Variants in DLG2 observed in about 807,000 individuals in gnomAD.
The protein encoded by DLG2 is disks large homolog 2.
Under a neutral mutation model 132.5 loss-of-function variants are expected in DLG2, and 45 were observed. The ratio of observed to expected loss-of-function variants is 0.34; its 90% CI spans 0.27 to 0.44. The LOEUF is 0.44. Ranked by LOEUF, DLG2 falls within the 20% of genes least tolerant of loss-of-function variation. The pLI is 1.00. For synonymous variants in DLG2, 424 were observed against 419.6 expected, an observed-to-expected ratio of 1.01 and a Z score of -0.13; for missense variants, 1,045 against 1,196.9, an observed-to-expected ratio of 0.87 and a Z score of 1.87.
In DLG2 at chr11:84,949,302, T is replaced by G. The variant is rs1469826188; in HGVS notation, c.357+162359A>C. 2.0e-5 allele frequency among the ~76,000 whole-genome samples: 3 copies of G among 152,056 alleles called. No individual in the cohort carries two copies. In the South Asian group the frequency reaches 6.2e-4, roughly 32 times the overall value. On this transcript the variant is annotated intron_variant, in intron 6 of 27. Coordinates refer to ENST00000376104, the MANE Select transcript of DLG2 (RefSeq NM_001142699.3). ...GGGTAATAGAATATCACAAGGCAAG[T>G]GGAGGCAGGGCGAGATCACAGGACC...
intron 6 of DLG2, among the ~76,000 whole-genome samples, chr11:84,848,834 A>G (rs895217267): frequency 6.6e-6 from 1 of 152,174 alleles, no homozygotes; most frequent in Admixed American, 6.5e-5. Context: ...AGTCTTAATG[A>G]TGGTACTTAA....
intron 6 of DLG2, among the ~76,000 whole-genome samples, chr11:84,694,857 G>C (rs1255535915): frequency 6.6e-6 from 1 of 151,554 alleles, no homozygotes; most frequent in African/African-American, 2.4e-5. Flanking sequence ...CAGGAGAGCA[G>C]ATGGATTTAG....
intron 3 of DLG2, among the ~76,000 whole-genome samples, chr11:85,566,053 G>A (rs537259610): frequency 2.4e-4 from 36 of 152,168 alleles, no homozygotes; most frequent in Admixed American, 3.9e-4. Flanking sequence ...CCAAGTGGGT[G>A]TGAAGTGATA....
intron 15 of DLG2, among the ~76,000 whole-genome samples, chr11:83,922,470 C>T (rs1267961818): frequency 2.0e-5 from 3 of 152,104 alleles, no homozygotes; most frequent in Non-Finnish European, 2.9e-5. Context: ...GAGTCATTCT[C>T]AGAGGGCTCA....
At chr11:84,465,285 G>A (rs1258179310) in intron 7 of DLG2, among the ~76,000 whole-genome samples, 2 of 151,100 alleles carry the variant, frequency 1.3e-5, no homozygotes, top group South Asian at 2.1e-4. Context: ...GTGTTTAACC[G>A]GGAAAGTTGC....
intron 18 of DLG2, among the ~76,000 whole-genome samples, chr11:83,765,165 G>A (rs566581461): frequency 3.3e-5 from 5 of 152,238 alleles, no homozygotes; most frequent in East Asian, 1.9e-4. Context: ...AGAAAGTCCT[G>A]GGGAACTGCT....
At chr11:85,275,907 A>C (rs2077860217) in intron 4 of DLG2, among the ~76,000 whole-genome samples, 1 of 151,084 alleles carries the variant, frequency 6.6e-6, no homozygotes, top group Non-Finnish European at 1.5e-5. Flanking sequence ...GAAGCTCCCC[A>C]AGGGAAAAAA....
intron 21 of DLG2, among the ~76,000 whole-genome samples, chr11:83,522,125 T>G (rs950826753): frequency 6.6e-6 from 1 of 152,250 alleles, no homozygotes; most frequent in Non-Finnish European, 1.5e-5. Flanking sequence ...CGTTTACTTT[T>G]GCTCCTGCTG....
chr11:83,940,730 C>G (rs12271485), intron 14 of DLG2, among the ~76,000 whole-genome samples: 11,625 of 152,238 alleles, frequency 0.076, 605 homozygotes, highest in Non-Finnish European at 0.12. Flanking sequence ...CTGTGATTCT[C>G]ACTATCTAGA....
chr11:83,654,818 A>G (rs1267191590), intron 18 of DLG2, among the ~76,000 whole-genome samples: 3 of 152,246 alleles, frequency 2.0e-5, no homozygotes, highest in African/African-American at 7.2e-5. Flanking sequence ...GTAATAATTA[A>G]CATATTCATT....
intron 6 of DLG2, among the ~76,000 whole-genome samples, chr11:84,889,751 T>C (rs1289678726): frequency 6.6e-6 from 1 of 152,214 alleles, no homozygotes; most frequent in Non-Finnish European, 1.5e-5. Flanking sequence ...TTGTTACCCA[T>C]CATGCTGAGG....
chr11:84,523,039 TA>T (rs2099309322), intron 7 of DLG2, among the ~76,000 whole-genome samples: 1 of 152,184 alleles, frequency 6.6e-6, no homozygotes, highest in South Asian at 2.1e-4. Context: ...CACCCTTACT[TA>T]GCTGAGATAG....
Position 83,498,053 on chromosome 11 carries a change from A to G in DLG2, c.2194-13825T>C, listed in dbSNP as rs1474129779. 2.0e-5 allele frequency among the ~76,000 whole-genome samples: 3 copies of G among 152,088 alleles called. No homozygotes were observed. In the East Asian group the frequency reaches 5.8e-4, roughly 29 times the overall value. ...CCCTTAGTATTATTTCTTCATTTTAAAAAAATGTATCCTGTTTAAATTTAG... is the reference window on the plus strand; with the variant it reads ...CCCTTAGTATTATTTCTTCATTTTAGAAAAATGTATCCTGTTTAAATTTAG... On this transcript the variant is annotated intron_variant, in intron 21 of 27. Transcript: ENST00000376104.
intron 19 of DLG2, among the ~76,000 whole-genome samples, chr11:83,574,768 G>C (rs1289827709): frequency 6.6e-6 from 1 of 152,124 alleles, no homozygotes; most frequent in Non-Finnish European, 1.5e-5. Flanking sequence ...CAGGGATCAG[G>C]AGGTTGTCTA....
intron 6 of DLG2, among the ~76,000 whole-genome samples, chr11:84,766,409 C>T (rs1245605847): frequency 2.0e-5 from 3 of 151,876 alleles, no homozygotes; most frequent in African/African-American, 7.2e-5. Context: ...TTTTTCTTAT[C>T]ATCGCTCAGG....
intron 4 of DLG2, among the ~76,000 whole-genome samples, chr11:85,270,712 T>G (rs956644525): frequency 1.3e-5 from 2 of 152,218 alleles, no homozygotes; most frequent in African/African-American, 4.8e-5. Flanking sequence ...TGTTGGGAAC[T>G]GGAGTGAAGG....
At chr11:85,442,438 G>A (rs1425253265) in intron 3 of DLG2, among the ~76,000 whole-genome samples, 6 of 152,158 alleles carry the variant, frequency 3.9e-5, no homozygotes, top group South Asian at 2.1e-4. Context: ...TAGATTAGAC[G>A]CGGGGATGAA....
At chr11:85,507,165 A>G (rs1209171569) in intron 3 of DLG2, among the ~76,000 whole-genome samples, 1 of 152,134 alleles carries the variant, frequency 6.6e-6, no homozygotes, top group Non-Finnish European at 1.5e-5. Context: ...TCTTTGTCCA[A>G]TTTGCCAGTC....
chr11:83,915,600 T>C (rs1409093844), intron 15 of DLG2, among the ~76,000 whole-genome samples: 2 of 152,294 alleles, frequency 1.3e-5, no homozygotes, highest in African/African-American at 2.4e-5. Context: ...ATAGACAAAT[T>C]AAAACTTTTT....
Sources: allele counts gnomAD v4.1 joint callset (sites outside exome capture counted in the v4.1 genomes callset), GRCh38; gene constraint gnomAD v4.1.1; transcripts MANE v1.5; gene names NCBI Gene and HGNC (gene_info 2026-07-23, HGNC 2026-07-21).